TMPRSS9: variants seen among roughly 807,000 people sequenced by gnomAD.
The protein encoded by TMPRSS9 is transmembrane protease serine 9.
A neutral mutation model predicts 111.4 loss-of-function variants in TMPRSS9; 113 were observed. The observed-to-expected ratio is 1.01, with a 90% CI of 0.87 to 1.19. The LOEUF (loss-of-function observed/expected upper bound fraction) is 1.19. Ranked by LOEUF, TMPRSS9 falls within the 50% of genes most tolerant of loss-of-function variation. The pLI, the probability that TMPRSS9 is intolerant of heterozygous loss-of-function variation, is 0.00. For missense variants in TMPRSS9, 1,803 were observed against 1,513.1 expected (o/e 1.19, Z -3.18); for synonymous variants, 805 against 659.1 (o/e 1.22, Z -3.39).
At chr19:2,422,157 A>G (rs779179165) in exon 14 of TMPRSS9, 2 of 1,586,840 alleles carry the variant, frequency 1.3e-6, no homozygotes, top group East Asian at 2.2e-5. Context: ...CCAACCTGCC[A>G]ACTCAACCTT....
chr19:2,390,060 C>T (rs1970552303), intron 1 of TMPRSS9, 133 bp downstream of exon 2: 2 of 1,197,396 alleles, frequency 1.7e-6, no homozygotes, highest in Non-Finnish European at 2.3e-6. Context: ...TGAAGGCTGC[C>T]CTAGGCCAGG....
intron 6 of TMPRSS9, among the ~76,000 whole-genome samples, 176 bp from the exon 8 acceptor site, chr19:2,405,198 G>A (rs540223661): frequency 1.3e-5 from 2 of 152,196 alleles, no homozygotes; most frequent in East Asian, 3.9e-4. Flanking sequence ...CAGCCGAGGA[G>A]TTGAAGAGGA....
At chr19:2,408,872 C>T (rs1309471138) in intron 8 of TMPRSS9, among the ~76,000 whole-genome samples, 1 of 151,338 alleles carries the variant, frequency 6.6e-6, no homozygotes, top group African/African-American at 2.4e-5. Flanking sequence ...GCCTATAATT[C>T]CAGCTACTCA....
chr19:2,426,249 C>T (rs575527947), downstream of TMPRSS9: 13 of 379,722 alleles, frequency 3.4e-5, no homozygotes, highest in South Asian at 1.3e-4. Flanking sequence ...ATAAACACAG[C>T]CCCTCCACCC....
Position 2,424,967 on chromosome 19 carries a change from GCTCGGGCCGACGCCTGTC to G in TMPRSS9, c.2718-30_2718-13del. 1 of 1,446,610 alleles carries G rather than the reference GCTCGGGCCGACGCCTGTC, an allele frequency of 6.9e-7. No homozygotes were observed. The highest frequency in any genetic ancestry group is 9.0e-7 in the Non-Finnish European group (1 of 1,105,404). 89.6% of individuals were successfully genotyped at this position (1,446,610 alleles called of 1,614,324 possible). A position where few individuals can be genotyped will look rare whatever the true frequency, so the allele number is the denominator to read the frequency against. On this transcript the variant is annotated splice_polypyrimidine_tract_variant and intron_variant, in intron 15 of 17. Coordinates refer to ENST00000648592, the Ensembl canonical transcript of TMPRSS9. ...AGGGGCGGGGGCCGGGGGCGTGGGG[GCTCGGGCCGACGCCTGTC>G]CTCGCGCGCCCCGCAGCTACGGGGA...
chr19:2,396,596 G>C (rs747274564), exon 2 of TMPRSS9: 6 of 1,611,712 alleles, frequency 3.7e-6, no homozygotes, highest in Non-Finnish European at 5.1e-6. Flanking sequence ...CGGGGAATCC[G>C]GTGGACCAGC....
chr19:2,366,889 G>A, intron 1 of TMPRSS9, among the ~76,000 whole-genome samples: 1 of 151,714 alleles, frequency 6.6e-6, no homozygotes, highest in East Asian at 1.9e-4. Flanking sequence ...CATGGGCCAG[G>A]GCTGCCTCAT....
At position 2,410,253 on chromosome 19, in the gene TMPRSS9, G is replaced by T. The variant is rs371098091; in HGVS notation, c.1118-5G>T. On this transcript the variant is annotated splice_region_variant and splice_polypyrimidine_tract_variant and intron_variant, in intron 8 of 17. Transcript: ENST00000648592. Reference sequence around the variant, plus strand: ...CACCCTGCTTTTCTCTCCCCATTCGGCCAGTGGTCAAGCCAGAGGTGCTGC... The same window carrying T: ...CACCCTGCTTTTCTCTCCCCATTCGTCCAGTGGTCAAGCCAGAGGTGCTGC... 6.2e-7 allele frequency: 1 copy of T among 1,613,666 alleles called. No individual in the cohort carries two copies. The highest frequency in any genetic ancestry group is 8.5e-7 in the Non-Finnish European group (1 of 1,179,886).
At chr19:2,398,946 C>A (rs533036171) in intron 3 of TMPRSS9, 72 bp from the exon 5 acceptor site, 95 of 1,546,014 alleles carry the variant, frequency 6.1e-5, no homozygotes, top group South Asian at 3.4e-4. Flanking sequence ...TTGGAAGATT[C>A]TAGAAGATTC....
chr19:2,422,714 C>T (rs1175324499), intron 14 of TMPRSS9, among the ~76,000 whole-genome samples: 1 of 152,058 alleles, frequency 6.6e-6, no homozygotes, highest in Non-Finnish European at 1.5e-5. Context: ...GGTGAAACCC[C>T]ATCTCTACAA....
chr19:2,406,614 C>T (rs545744503), intron 7 of TMPRSS9, among the ~76,000 whole-genome samples: 47 of 150,488 alleles, frequency 3.1e-4, no homozygotes, highest in South Asian at 2.1e-4. Context: ...GGATTACAGG[C>T]GTGAGCCACC....
At chr19:2,426,048 C>T (rs754027368) in exon 18 of TMPRSS9, 1 of 1,609,510 alleles carries the variant, frequency 6.2e-7, no homozygotes, top group Admixed American at 1.7e-5. Flanking sequence ...ACCCGGGTGG[C>T]AGCTGTGAGA....
At chr19:2,408,073 C>T (rs76294824) in intron 7 of TMPRSS9, among the ~76,000 whole-genome samples, 14,083 of 150,778 alleles carry the variant, frequency 0.093, 946 homozygotes, top group East Asian at 0.26. Flanking sequence ...TGAGCCACCG[C>T]ACCTGGCCTG....
chr19:2,370,365 G>A (rs943403402), intron 1 of TMPRSS9, among the ~76,000 whole-genome samples: 1 of 149,208 alleles, frequency 6.7e-6, no homozygotes, highest in African/African-American at 2.5e-5. Flanking sequence ...AGCTTGCAGT[G>A]AGCCAAGATC....
chr19:2,368,483 G>A (rs1970263921), intron 1 of TMPRSS9, among the ~76,000 whole-genome samples: 1 of 152,206 alleles, frequency 6.6e-6, no homozygotes, highest in Non-Finnish European at 1.5e-5. Flanking sequence ...GGGGCTGAAG[G>A]AGGGAGGGGT....
intron 1 of TMPRSS9, among the ~76,000 whole-genome samples, chr19:2,378,722 C>T (rs780175225): frequency 8.5e-5 from 13 of 152,126 alleles, no homozygotes; most frequent in Non-Finnish European, 1.3e-4. Flanking sequence ...CGTCTAAAAA[C>T]AAAACCTACC....
At chr19:2,417,663 C>T (rs973502600) in intron 12 of TMPRSS9, among the ~76,000 whole-genome samples, 3 of 152,018 alleles carry the variant, frequency 2.0e-5, no homozygotes, top group Admixed American at 2.0e-4. Context: ...ACAAAAAAAG[C>T]AAATGCTCAC....
At chr19:2,381,518 C>G (rs10423793) in intron 1 of TMPRSS9, among the ~76,000 whole-genome samples, 3 of 151,712 alleles carry the variant, frequency 2.0e-5, no homozygotes, top group Non-Finnish European at 2.9e-5. Flanking sequence ...TCAACTCAAG[C>G]GTAAGAGTAA....
chr19:2,377,461 TC>T (rs1970346046), intron 1 of TMPRSS9, among the ~76,000 whole-genome samples: 1 of 58,830 alleles, frequency 1.7e-5, no homozygotes, highest in Admixed American at 1.8e-4. Context: ...TCCCCTCCCC[TC>T]TCCCCTCTCC....
Sources: gnomAD v4.1 joint callset for allele counts (sites outside exome capture counted in the v4.1 genomes callset) on GRCh38, gnomAD v4.1.1 for gene constraint, MANE v1.5 for transcripts, NCBI Gene and HGNC (gene_info 2026-07-23, HGNC 2026-07-21) for gene names.